Variants in CNTN4 observed in about 807,000 individuals in gnomAD.
CNTN4 encodes the protein contactin-4.
Under a neutral mutation model 122.5 loss-of-function variants are expected in CNTN4, and 77 were observed. The ratio of observed to expected loss-of-function variants is 0.63; its 90% CI spans 0.52 to 0.76. The LOEUF (loss-of-function observed/expected upper bound fraction) is 0.76, where lower values mean the gene tolerates loss of function less well. CNTN4 is among the 30% of genes least tolerant of loss of function. The probability of loss-of-function intolerance (pLI) is 0.00; values close to 1 mark genes in which losing one functional copy is unlikely to be tolerated. For synonymous variants in CNTN4, 512 were observed against 447.0 expected, an observed-to-expected ratio of 1.15 and a Z score of -1.83; for missense variants, 1,256 against 1,259.1, an observed-to-expected ratio of 1.00 and a Z score of 0.04.
At chr3:2,978,519 T>G (rs1693639557) in intron 13 of CNTN4, among the ~76,000 whole-genome samples, 3 of 152,260 alleles carry the variant, frequency 2.0e-5, no homozygotes, top group Non-Finnish European at 4.4e-5. Flanking sequence ...TTGCCAGTAT[T>G]GCCCTATCTT....
chr3:2,638,887 T>G (rs2082779807), intron 4 of CNTN4, among the ~76,000 whole-genome samples: 2 of 152,184 alleles, frequency 1.3e-5, no homozygotes, highest in Non-Finnish European at 2.9e-5. Flanking sequence ...TAACATATGT[T>G]CAGAACCCAA....
At chr3:2,666,212 A>G (rs1469620091) in intron 4 of CNTN4, among the ~76,000 whole-genome samples, 1 of 152,194 alleles carries the variant, frequency 6.6e-6, no homozygotes, top group East Asian at 1.9e-4. Context: ...GCTTCCTTTT[A>G]GATTTCTTAA....
At chr3:2,462,244 T>C (rs1390949766) in intron 3 of CNTN4, among the ~76,000 whole-genome samples, 2 of 152,212 alleles carry the variant, frequency 1.3e-5, no homozygotes, top group South Asian at 2.1e-4. Context: ...CTTAGTTTAG[T>C]GTGTCTTTTA....
intron 2 of CNTN4, among the ~76,000 whole-genome samples, chr3:2,282,956 A>C (rs1006384582): frequency 2.0e-5 from 3 of 152,168 alleles, no homozygotes; most frequent in Admixed American, 2.0e-4. Flanking sequence ...AAATCCATAG[A>C]AACGGAAAGT....
At chr3:2,303,865 T>C (rs2042610968) in intron 2 of CNTN4, among the ~76,000 whole-genome samples, 1 of 149,786 alleles carries the variant, frequency 6.7e-6, no homozygotes, top group Admixed American at 6.6e-5. Context: ...GCACAGCGAC[T>C]TTCCCTCTGT....
intron 18 of CNTN4, among the ~76,000 whole-genome samples, chr3:3,038,683 G>A (rs1185789608): frequency 1.3e-5 from 2 of 152,316 alleles, no homozygotes. Flanking sequence ...TGAACAATTG[G>A]TCAGACGTGT....
At chr3:2,620,500 C>CAA (rs55660131) in intron 4 of CNTN4, among the ~76,000 whole-genome samples, 69,698 of 150,844 alleles carry the variant, frequency 0.46, 16,715 homozygotes, top group Middle Eastern at 0.55. Context: ...ACCCTGTATC[C>CAA]AAAAATATAT....
At chr3:2,542,314 T>C (rs113052715) in intron 3 of CNTN4, among the ~76,000 whole-genome samples, 5 of 152,266 alleles carry the variant, frequency 3.3e-5, no homozygotes, top group African/African-American at 1.2e-4. Flanking sequence ...AATAGTCAGA[T>C]AGGCAAAACA....
chr3:2,138,051 A>G (rs2125317201), intron 2 of CNTN4, among the ~76,000 whole-genome samples: 1 of 151,476 alleles, frequency 6.6e-6, no homozygotes, highest in African/African-American at 2.4e-5. Context: ...ATCACCTCCC[A>G]ATATTCTTCT....
intron 13 of CNTN4, among the ~76,000 whole-genome samples, chr3:2,929,012 C>T (rs771740780): frequency 6.6e-6 from 1 of 152,184 alleles, no homozygotes; most frequent in Admixed American, 6.5e-5. Flanking sequence ...CATATTCACA[C>T]TAGCCTTATC....
chr3:3,034,823 G>A, intron 17 of CNTN4, 33 bp downstream of exon 17: 1 of 1,611,796 alleles, frequency 6.2e-7, no homozygotes, highest in Non-Finnish European at 8.5e-7. Context: ...CAGAGACATT[G>A]GGAACTCAGC....
At chr3:2,363,133 G>C (rs1309516642) in intron 3 of CNTN4, among the ~76,000 whole-genome samples, 1 of 152,136 alleles carries the variant, frequency 6.6e-6, no homozygotes, top group Non-Finnish European at 1.5e-5. Context: ...AAATGTCAAA[G>C]TATCTTCATA....
intron 3 of CNTN4, among the ~76,000 whole-genome samples, chr3:2,370,451 A>C (rs1325093864): frequency 6.6e-6 from 1 of 152,216 alleles, no homozygotes; most frequent in Non-Finnish European, 1.5e-5. Context: ...GTATAATGAC[A>C]TCCAAAAGAA....
chr3:2,484,596 C>T (rs1296896668), intron 3 of CNTN4, among the ~76,000 whole-genome samples: 1 of 152,238 alleles, frequency 6.6e-6, no homozygotes, highest in Non-Finnish European at 1.5e-5. Context: ...CAATGTGACT[C>T]TTGTCTCCTT....
In CNTN4 at chr3:2,618,839, G is replaced by C. The variant is rs144995762; in HGVS notation, c.55+47281G>C. On this transcript the variant is annotated intron_variant, in intron 4 of 24. Transcript: ENST00000418658. The stretch of plus-strand genomic sequence containing the variant: ...TGACATACTTCTCTTAAAAATGTCA[G>C]GTATTTTCAGACACATTGGCAACCT... Among the ~76,000 whole-genome samples, 558 of 152,290 alleles carry C rather than the reference G, an allele frequency of 3.7e-3. 2 individuals carry two copies. The highest frequency in any genetic ancestry group is 0.031 in the Middle Eastern group (9 of 294).
At chr3:2,760,774 C>A (rs1191400790) in intron 6 of CNTN4, among the ~76,000 whole-genome samples, 1 of 152,130 alleles carries the variant, frequency 6.6e-6, no homozygotes, top group African/African-American at 2.4e-5. Context: ...ATTTAGGTAA[C>A]CACACATTTG....
chr3:2,778,690 C>G (rs907846915), intron 6 of CNTN4, among the ~76,000 whole-genome samples: 3 of 152,182 alleles, frequency 2.0e-5, no homozygotes, highest in Non-Finnish European at 4.4e-5. Context: ...TTCCATCCAA[C>G]TTATTATAAT....
At chr3:2,944,920 T>G (rs1381694970) in intron 13 of CNTN4, among the ~76,000 whole-genome samples, 1 of 152,220 alleles carries the variant, frequency 6.6e-6, no homozygotes, top group Non-Finnish European at 1.5e-5. Context: ...CTGAGAGCTC[T>G]GGAGCTCAGA....
chr3:2,139,345 A>AT (rs908036427), intron 2 of CNTN4, among the ~76,000 whole-genome samples: 3 of 152,066 alleles, frequency 2.0e-5, no homozygotes, highest in Admixed American at 6.6e-5. Context: ...GAAATAAAAT[A>AT]TTTTTTTCTT....
Sources: allele counts gnomAD v4.1 joint callset (sites outside exome capture counted in the v4.1 genomes callset), GRCh38; gene constraint gnomAD v4.1.1; transcripts MANE v1.5; gene names NCBI Gene and HGNC (gene_info 2026-07-23, HGNC 2026-07-21).